The following GRM5 variants were observed in gnomAD, a reference collection of about 807,000 sequenced individuals.
GRM5 encodes the protein glutamate metabotropic receptor 5.
Under a neutral mutation model 83.1 loss-of-function variants are expected in GRM5, and 19 were observed. That is an observed-to-expected ratio of 0.23 (90% CI 0.16 to 0.34). The LOEUF (loss-of-function observed/expected upper bound fraction) is 0.34, where lower values mean the gene tolerates loss of function less well. Ranked by LOEUF, GRM5 falls within the 10% of genes least tolerant of loss-of-function variation. The pLI is 1.00. For missense variants in GRM5, 1,160 were observed against 1,588.3 expected, an observed-to-expected ratio of 0.73 and a Z score of 4.58; for synonymous variants, 675 against 633.6, an observed-to-expected ratio of 1.07 and a Z score of -0.98.
At chr11:88,514,880 G>A (rs970255315) in intron 9 of GRM5, among the ~76,000 whole-genome samples, 8 of 152,172 alleles carry the variant, frequency 5.3e-5, no homozygotes, top group African/African-American at 1.7e-4. Context: ...AATTCTACAT[G>A]TCTAATCCCA....
chr11:88,817,612 A>C (rs1279550738), intron 3 of GRM5, among the ~76,000 whole-genome samples: 2 of 152,122 alleles, frequency 1.3e-5, no homozygotes, highest in East Asian at 3.8e-4. Context: ...TCAACATACA[A>C]AAATTCAAAA....
intron 3 of GRM5, among the ~76,000 whole-genome samples, chr11:88,794,077 C>G (rs528412881): frequency 6.6e-6 from 1 of 152,232 alleles, no homozygotes; most frequent in East Asian, 1.9e-4. Context: ...CCTGCCTCAG[C>G]CTTTAGCCTC....
At chr11:88,982,016 G>A (rs1446394826) in intron 2 of GRM5, among the ~76,000 whole-genome samples, 1 of 152,104 alleles carries the variant, frequency 6.6e-6, no homozygotes, top group South Asian at 2.1e-4. Context: ...TTATTATGAT[G>A]TATTGCTCCA....
chr11:88,685,097 A>G (rs1465254931), intron 3 of GRM5, among the ~76,000 whole-genome samples: 1 of 152,178 alleles, frequency 6.6e-6, no homozygotes, highest in East Asian at 1.9e-4. Flanking sequence ...ATATGTAGGA[A>G]AGTTTGGAAC....
intron 3 of GRM5, among the ~76,000 whole-genome samples, chr11:88,760,274 G>A (rs570334708): frequency 1.3e-5 from 2 of 152,198 alleles, no homozygotes; most frequent in South Asian, 4.1e-4. Flanking sequence ...AAAGATCAAT[G>A]AATTGGGGAG....
intron 2 of GRM5, among the ~76,000 whole-genome samples, chr11:88,978,474 TAAAAAAAAAAAAAAAAAAAAAAAAA>T (rs200343438): frequency 0.016 from 1,571 of 98,036 alleles, 57 homozygotes; most frequent in Non-Finnish European, 0.021. Context: ...CAGATGAGCT[TAAAAAAAAAAAAAAAAAAAAAAAAA>T]AAAAAAAAAA....
At chr11:89,004,970 A>G (rs558385404) in intron 2 of GRM5, among the ~76,000 whole-genome samples, 2 of 152,342 alleles carry the variant, frequency 1.3e-5, no homozygotes, top group African/African-American at 2.4e-5. Flanking sequence ...TATGGGTTAC[A>G]TGCAATTGAA....
chr11:88,741,398 TC>T (rs1312008882), intron 3 of GRM5, among the ~76,000 whole-genome samples: 3 of 152,066 alleles, frequency 2.0e-5, no homozygotes, highest in African/African-American at 7.2e-5. Context: ...TGATTAGACT[TC>T]TTGCTAAACT....
intron 3 of GRM5, among the ~76,000 whole-genome samples, chr11:88,805,607 C>A (rs1305266283): frequency 6.6e-6 from 1 of 152,150 alleles, no homozygotes; most frequent in East Asian, 1.9e-4. Context: ...AAAGAAATTT[C>A]AATGCAAATG....
At chr11:88,514,257 T>C (rs974606752) in intron 9 of GRM5, among the ~76,000 whole-genome samples, 2 of 152,202 alleles carry the variant, frequency 1.3e-5, no homozygotes, top group African/African-American at 2.4e-5. Context: ...AAGCAGCATA[T>C]CAATAATGTT....
chr11:88,837,105 A>AT lies in GRM5; in HGVS notation c.911+12800dup, dbSNP rs889412626. ...TAATTGCTCCTGGTTTGTTAATCTT[A>AT]TTTTTTTTAAAAAAGAAACATTTTC... On this transcript the variant is annotated intron_variant, in intron 3 of 9. Coordinates refer to ENST00000305447, the MANE Select transcript of GRM5 (RefSeq NM_001143831.3). Among the ~76,000 whole-genome samples, 23 of 152,182 alleles carry AT rather than the reference A, an allele frequency of 1.5e-4. No homozygotes were observed. The Middle Eastern group carries it at 0.01, about 68-fold the overall frequency.
intron 6 of GRM5, among the ~76,000 whole-genome samples, chr11:88,595,983 C>T (rs567915074): frequency 6.6e-6 from 1 of 151,590 alleles, no homozygotes; most frequent in East Asian, 1.9e-4. Flanking sequence ...ATTCCTAAAT[C>T]TGTATTCTTA....
chr11:88,706,318 T>A (rs1048215651), intron 3 of GRM5, among the ~76,000 whole-genome samples: 6 of 152,090 alleles, frequency 3.9e-5, no homozygotes, highest in African/African-American at 1.4e-4. Flanking sequence ...TAGGGCTTCT[T>A]CTCTACTATC....
At chr11:88,983,458 T>C (rs553176056) in intron 2 of GRM5, among the ~76,000 whole-genome samples, 23 of 152,312 alleles carry the variant, frequency 1.5e-4, no homozygotes, top group African/African-American at 5.3e-4. Flanking sequence ...AACATTCGTA[T>C]TGCCTAGTGA....
At chr11:88,957,344 GA>G (rs1425903571) in intron 2 of GRM5, among the ~76,000 whole-genome samples, 1 of 152,204 alleles carries the variant, frequency 6.6e-6, no homozygotes, top group Non-Finnish European at 1.5e-5. Context: ...ACATTCAGAA[GA>G]GGAGGACTGT....
At chr11:88,725,598 C>T (rs1272015984) in intron 3 of GRM5, among the ~76,000 whole-genome samples, 2 of 152,170 alleles carry the variant, frequency 1.3e-5, no homozygotes, top group African/African-American at 4.8e-5. Context: ...TGGGAGACAC[C>T]TCCCATCAGG....
At chr11:88,654,812 T>C (rs184977772) in intron 3 of GRM5, among the ~76,000 whole-genome samples, 1 of 152,238 alleles carries the variant, frequency 6.6e-6, no homozygotes, top group East Asian at 1.9e-4. Flanking sequence ...GGTCCAATAT[T>C]TTGCATAAAA....
intron 3 of GRM5, among the ~76,000 whole-genome samples, chr11:88,807,924 A>G (rs1193616152): frequency 6.6e-6 from 1 of 152,050 alleles, no homozygotes; most frequent in Non-Finnish European, 1.5e-5. Flanking sequence ...TTTCTTTCTC[A>G]GTATTTGTTA....
chr11:88,706,063 A>G (rs1941150024), intron 3 of GRM5, among the ~76,000 whole-genome samples: 2 of 152,198 alleles, frequency 1.3e-5, no homozygotes, highest in East Asian at 3.9e-4. Context: ...GCACACAGCT[A>G]GAATTTCATA....
Sources: gnomAD v4.1 joint callset for allele counts (sites outside exome capture counted in the v4.1 genomes callset) on GRCh38, gnomAD v4.1.1 for gene constraint, MANE v1.5 for transcripts, NCBI Gene and HGNC (gene_info 2026-07-23, HGNC 2026-07-21) for gene names.